The following SLX4IP variants were observed in gnomAD, a reference collection of about 807,000 sequenced individuals.
SLX4IP encodes SLX4 interacting protein, also known as protein SLX4IP.
Under a neutral mutation model 32.9 loss-of-function variants are expected in SLX4IP, and 34 were observed. That is an observed-to-expected ratio of 1.03 (90% CI 0.79 to 1.38). The LOEUF (loss-of-function observed/expected upper bound fraction) is 1.38. Among genes scored for constraint, SLX4IP ranks in the 40% most tolerant of loss-of-function variants. The probability of loss-of-function intolerance (pLI) is 0.00; values close to 1 mark genes in which losing one functional copy is unlikely to be tolerated. For missense variants in SLX4IP, 444 were observed against 479.0 expected (o/e 0.93, Z 0.68); for synonymous variants, 172 against 171.7 (o/e 1.00, Z -0.01).
chr20:10,564,977 A>T (rs2066374240), intron 4 of SLX4IP, among the ~76,000 whole-genome samples: 1 of 152,038 alleles, frequency 6.6e-6, no homozygotes, highest in Non-Finnish European at 1.5e-5. Context: ...GTGTGTTTTT[A>T]TGTGTTTACT....
intron 2 of SLX4IP, among the ~76,000 whole-genome samples, chr20:10,486,576 T>C (rs1235163617): frequency 6.6e-6 from 1 of 152,090 alleles, no homozygotes; most frequent in Non-Finnish European, 1.5e-5. Context: ...CATGTGAACA[T>C]GCGTATTTAA....
chr20:10,538,155 A>G (rs2066065991), intron 2 of SLX4IP, among the ~76,000 whole-genome samples: 1 of 152,152 alleles, frequency 6.6e-6, no homozygotes, highest in Non-Finnish European at 1.5e-5. Context: ...AGCAGCATCC[A>G]CACTCTTTGG....
intron 3 of SLX4IP, among the ~76,000 whole-genome samples, chr20:10,558,602 TAATTAC>T (rs2066295566): frequency 6.6e-6 from 1 of 152,202 alleles, no homozygotes; most frequent in Non-Finnish European, 1.5e-5. Context: ...AAAAAAGAAC[TAATTAC>T]ATGTATTAAC....
intron 4 of SLX4IP, 96 bp from the exon 5 acceptor site, chr20:10,598,579 C>T: frequency 8.9e-7 from 1 of 1,122,708 alleles, no homozygotes; most frequent in East Asian, 2.4e-5. Flanking sequence ...TGCTAAATAA[C>T]TATTGAATGT....
chr20:10,443,119 G>A (rs1299762896), intron 1 of SLX4IP, among the ~76,000 whole-genome samples: 1 of 152,046 alleles, frequency 6.6e-6, no homozygotes, highest in Non-Finnish European at 1.5e-5. Flanking sequence ...TTTATTTGGT[G>A]AAATAGGTCC....
intron 2 of SLX4IP, among the ~76,000 whole-genome samples, chr20:10,465,495 T>G (rs1236780827): frequency 6.6e-6 from 1 of 152,126 alleles, no homozygotes; most frequent in Non-Finnish European, 1.5e-5. Flanking sequence ...TACAAATATA[T>G]CTTTTATTTA....
chr20:10,522,372 A>G (rs767993473), intron 2 of SLX4IP, among the ~76,000 whole-genome samples: 3 of 152,154 alleles, frequency 2.0e-5, no homozygotes, highest in Non-Finnish European at 4.4e-5. Context: ...TTTTAAAGCT[A>G]TGCAACGTTT....
chr20:10,500,947 T>G (rs946344311), intron 2 of SLX4IP, among the ~76,000 whole-genome samples: 1 of 152,126 alleles, frequency 6.6e-6, no homozygotes, highest in African/African-American at 2.4e-5. Flanking sequence ...AAGCACAGAT[T>G]AAGGCCATGT....
intron 1 of SLX4IP, among the ~76,000 whole-genome samples, chr20:10,443,556 C>T (rs752379865): frequency 5.3e-5 from 8 of 152,130 alleles, no homozygotes; most frequent in Admixed American, 2.6e-4. Flanking sequence ...GTGCGGCATG[C>T]ATGGGTGAAG....
At chr20:10,555,582 A>G (rs1207717683) in intron 2 of SLX4IP, among the ~76,000 whole-genome samples, 1 of 152,236 alleles carries the variant, frequency 6.6e-6, no homozygotes, top group African/African-American at 2.4e-5. Context: ...TATATATAGA[A>G]TATTTCCATT....
chr20:10,601,747 T>C lies in SLX4IP; in HGVS notation c.333T>C (p.Pro111=). ...TTTATACAGAACTCTGTGTATTCCCTGACAGATTTGTGGTTTGTGTCAGTC... is the reference window on the plus strand; with the variant it reads ...TTTATACAGAACTCTGTGTATTCCCCGACAGATTTGTGGTTTGTGTCAGTC... ...STQNAELCVF[P]DRFVVCVSQL... Residue 111 remains proline (P), a synonymous_variant, in exon 6 of 8, where the codon CCT becomes CCC. Coordinates refer to ENST00000334534, the MANE Select transcript of SLX4IP (RefSeq NM_001009608.3). The C allele has an allele frequency of 6.2e-7, 1 of 1,614,024 alleles. No individual in the cohort carries two copies. The highest frequency in any genetic ancestry group is 1.1e-5 in the South Asian group (1 of 91,074).
At chr20:10,529,632 A>G (rs2065970117) in intron 2 of SLX4IP, among the ~76,000 whole-genome samples, 1 of 150,450 alleles carries the variant, frequency 6.6e-6, no homozygotes, top group South Asian at 2.1e-4. Flanking sequence ...GATTACTCAC[A>G]TTCTTCTTCT....
chr20:10,566,222 A>T (rs1270421417), intron 4 of SLX4IP, among the ~76,000 whole-genome samples: 2 of 144,284 alleles, frequency 1.4e-5, no homozygotes, highest in East Asian at 4.1e-4. Flanking sequence ...CCTTGATGAG[A>T]TTGCCATTGT....
chr20:10,586,118 G>A (rs1367557517), intron 4 of SLX4IP, among the ~76,000 whole-genome samples: 1 of 152,194 alleles, frequency 6.6e-6, no homozygotes, highest in Admixed American at 6.5e-5. Flanking sequence ...CATCTCTAAA[G>A]TGTCCCTTGA....
At chr20:10,588,355 G>A (rs1177961598) in intron 4 of SLX4IP, among the ~76,000 whole-genome samples, 4 of 152,148 alleles carry the variant, frequency 2.6e-5, no homozygotes, top group Non-Finnish European at 5.9e-5. Flanking sequence ...GAGATAATAA[G>A]TATTGGTGAA....
chr20:10,487,314 G>A (rs1336866945), intron 2 of SLX4IP, among the ~76,000 whole-genome samples: 2 of 152,184 alleles, frequency 1.3e-5, no homozygotes, highest in African/African-American at 4.8e-5. Context: ...GGTGGGTCAT[G>A]TGTTTGTCAA....
intron 6 of SLX4IP, among the ~76,000 whole-genome samples, chr20:10,610,260 G>T (rs372193876): frequency 4.5e-5 from 6 of 132,478 alleles, no homozygotes; most frequent in African/African-American, 1.7e-4. Context: ...GCCACTTATG[G>T]GTGCTTCCCC....
At chr20:10,462,731 T>C (rs1386061847) in intron 2 of SLX4IP, among the ~76,000 whole-genome samples, 1 of 152,184 alleles carries the variant, frequency 6.6e-6, no homozygotes, top group East Asian at 1.9e-4. Flanking sequence ...ACCAGTCAGA[T>C]GAGGGCCTAA....
chr20:10,557,210 G>A (rs773943166), intron 3 of SLX4IP, among the ~76,000 whole-genome samples: 7 of 152,114 alleles, frequency 4.6e-5, no homozygotes, highest in Non-Finnish European at 1.0e-4. Flanking sequence ...AAAACAAAAA[G>A]CCACCCTTTT....
Sources: allele counts gnomAD v4.1 joint callset (sites outside exome capture counted in the v4.1 genomes callset), GRCh38; gene constraint gnomAD v4.1.1; transcripts MANE v1.5; gene names NCBI Gene and HGNC (gene_info 2026-07-23, HGNC 2026-07-21).